FAM217A: variants seen among roughly 807,000 people sequenced by gnomAD.
The protein encoded by FAM217A is family with sequence similarity 217 member A, also known as protein FAM217A.
FAM217A carries 13 observed loss-of-function variants against 18.5 expected under a neutral mutation model. The observed-to-expected ratio is 0.70, with a 90% CI of 0.46 to 1.12. The LOEUF is 1.12. Ranked by LOEUF, FAM217A falls within the 50% of genes most tolerant of loss-of-function variation. The pLI, the probability that FAM217A is intolerant of heterozygous loss-of-function variation, is 0.00. For synonymous variants in FAM217A, 161 were observed against 202.8 expected, an observed-to-expected ratio of 0.79 and a Z score of 1.75; for missense variants, 560 against 575.4, an observed-to-expected ratio of 0.97 and a Z score of 0.27.
chr6:4,087,096 C>G, upstream of FAM217A: 1 of 401,022 alleles, frequency 2.5e-6, no homozygotes, highest in Non-Finnish European at 4.4e-6. Context: ...TAACCACTCT[C>G]TCTTGGGGCC....
chr6:4,074,293 C>T, intron 4 of FAM217A, 150 bp downstream of exon 4: 1 of 565,538 alleles, frequency 1.8e-6, no homozygotes, highest in Non-Finnish European at 3.0e-6. Flanking sequence ...CAACTTGAAA[C>T]TCTAAAATAT....
exon 2 of FAM217A, chr6:4,084,786 G>A: frequency 1.4e-6 from 1 of 702,954 alleles, no homozygotes; most frequent in Non-Finnish European, 2.6e-6. Context: ...GGAAGAAGAA[G>A]GTATTCAGGA....
Position 4,069,569 on chromosome 6 carries a change from A to G in FAM217A, c.654T>C (p.Tyr218=). Residue 218 remains tyrosine (Y), a synonymous_variant, in exon 7 of 7, where the codon TAT becomes TAC. Transcript: ENST00000274673. ...NEKTNDTLLS[Y]FKKVDLNLKP... is the part of the protein sequence containing the mutation. Reference sequence around the variant, plus strand: ...TCAAGTTCAGGTCCACCTTTTTAAAATAGCTGAGTAAAGTATCATTTGTCT... The same window carrying G: ...TCAAGTTCAGGTCCACCTTTTTAAAGTAGCTGAGTAAAGTATCATTTGTCT... 4 of 1,614,044 alleles carry G rather than the reference A, an allele frequency of 2.5e-6. No homozygotes were observed. The highest frequency in any genetic ancestry group is 2.2e-5 in the East Asian group (1 of 44,880).
upstream of FAM217A, among the ~76,000 whole-genome samples, chr6:4,083,270 C>T (rs1011650249): frequency 2.6e-5 from 4 of 152,314 alleles, no homozygotes; most frequent in African/African-American, 9.6e-5. Flanking sequence ...ATAACAAAGG[C>T]GATGACACTG....
In FAM217A at chr6:4,073,423, A is replaced by ATTT. The variant is rs750871956; in HGVS notation, c.234+9_234+10insAAA. The ATTT allele has an allele frequency of 3.7e-6, 6 of 1,609,946 alleles. No homozygotes were observed. Among genetic ancestry groups the ATTT allele is most frequent in the Non-Finnish European group, 2.5e-6 (3 of 1,177,996 alleles). On this transcript the variant is annotated intron_variant, in intron 5 of 6. Coordinates refer to ENST00000274673, the MANE Select transcript of FAM217A (RefSeq NM_173563.3). ...ATAATATTTTAAGGGTATGAAGAAT[A>ATTT]AAATCCCACCTGTGTACTTTTTTGA...
At chr6:4,081,816 G>A (rs971605530), upstream of FAM217A, among the ~76,000 whole-genome samples, 3 of 152,194 alleles carry the variant, frequency 2.0e-5, no homozygotes, top group African/African-American at 7.2e-5. Context: ...GTGTGCACAT[G>A]CACACGTGTG....
chr6:4,085,272 T>C (rs1342801975), intron 1 of FAM217A, among the ~76,000 whole-genome samples: 1 of 149,976 alleles, frequency 6.7e-6, no homozygotes, highest in Non-Finnish European at 1.5e-5. Context: ...AGAAAATGAA[T>C]GAGATTGATT....
chr6:4,083,137 G>T (rs1311131232), upstream of FAM217A, among the ~76,000 whole-genome samples: 1 of 152,168 alleles, frequency 6.6e-6, no homozygotes, highest in African/African-American at 2.4e-5. Flanking sequence ...TCTATTTCAG[G>T]CATTTAGCAA....
chr6:4,079,254 C>A (rs1358851163), upstream of FAM217A: 2 of 179,652 alleles, frequency 1.1e-5, no homozygotes, highest in African/African-American at 4.8e-5. Context: ...AGGCGCGGAG[C>A]CTCTCGGGGG....
At chr6:4,073,381 G>C (rs1355106249) in intron 5 of FAM217A, 39 bp from the exon 6 acceptor site, 1 of 1,585,110 alleles carries the variant, frequency 6.3e-7, no homozygotes, top group South Asian at 1.1e-5. Flanking sequence ...TTTAGTAGCT[G>C]CATATATTTT....
At chr6:4,079,253 G>A (rs1581895539), upstream of FAM217A, 2 of 179,920 alleles carry the variant, frequency 1.1e-5, no homozygotes, top group East Asian at 2.8e-4. Flanking sequence ...CAGGCGCGGA[G>A]CCTCTCGGGG....
At chr6:4,071,499 G>A (rs1769410416) in intron 6 of FAM217A, among the ~76,000 whole-genome samples, 1 of 152,028 alleles carries the variant, frequency 6.6e-6, no homozygotes, top group South Asian at 2.1e-4. Flanking sequence ...GGTGTAGAGT[G>A]GCTGAGGGCA....
rs754162484 is a variant in FAM217A, at chr6:4,069,916, A to T, written c.307T>A (p.Phe103Ile). The T allele has an allele frequency of 5.1e-6, 8 of 1,553,556 alleles. No individual in the cohort carries two copies. In the African/African-American group the frequency reaches 1.1e-4, roughly 22 times the overall value. ...NEGSTIEKREFKKSSVETGFN... is the reference protein window; with the variant it reads ...NEGSTIEKREIKKSSVETGFN... ...CCAGTTTCCACTGAAGATTTTTTGAATTCCCTTTAAAAAATAATTTAATTA... is the reference window on the plus strand; with the variant it reads ...CCAGTTTCCACTGAAGATTTTTTGATTTCCCTTTAAAAAATAATTTAATTA... Residue 103 changes from phenylalanine to isoleucine, a missense_variant, in exon 7 of 7, where the codon TTC becomes ATC. By Grantham distance (21) the Phe-to-Ile change is conservative (BLOSUM62 0). Transcript: ENST00000274673.
upstream of FAM217A, among the ~76,000 whole-genome samples, chr6:4,083,435 C>T (rs932211446): frequency 3.3e-5 from 5 of 152,202 alleles, no homozygotes; most frequent in Admixed American, 2.0e-4. Context: ...CAGTATCTTT[C>T]ACCTTTTGAT....
intron 2 of FAM217A, among the ~76,000 whole-genome samples, chr6:4,076,732 G>A (rs1045473034): frequency 1.8e-4 from 28 of 152,176 alleles, no homozygotes; most frequent in African/African-American, 6.5e-4. Context: ...GCCGGGCGTG[G>A]TGGCACATGC....
At position 4,073,398 on chromosome 6, in the gene FAM217A, A is replaced by G. The variant is rs755117401; in HGVS notation, c.234+35T>C. 3.5e-5 allele frequency: 55 copies of G among 1,591,752 alleles called. 1 individual carries two copies. The East Asian group carries it at 3.6e-4, about 10-fold the overall frequency. On this transcript the variant is annotated intron_variant, in intron 5 of 6. Coordinates refer to ENST00000274673, the MANE Select transcript of FAM217A (RefSeq NM_173563.3). The stretch of plus-strand genomic sequence containing the variant: ...TAGTAGCTGCATATATTTTTAAAAT[A>G]TAATATTTTAAGGGTATGAAGAATA...
intron 1 of FAM217A, among the ~76,000 whole-genome samples, chr6:4,086,341 G>A (rs577215162): frequency 2.7e-5 from 4 of 150,862 alleles, no homozygotes; most frequent in African/African-American, 9.8e-5. Flanking sequence ...AGCTACTCAG[G>A]AGGCCAAGGC....
At chr6:4,086,446 C>CAAAA (rs60309347) in intron 1 of FAM217A, among the ~76,000 whole-genome samples, 17 of 76,864 alleles carry the variant, frequency 2.2e-4, no homozygotes, top group African/African-American at 5.4e-4. Context: ...AACTCTGTCT[C>CAAAA]AAAAAAAAAA....
upstream of FAM217A, chr6:4,079,641 T>A: frequency 2.6e-6 from 3 of 1,169,536 alleles, no homozygotes; most frequent in Non-Finnish European, 3.4e-6. Flanking sequence ...CCACCCTCCA[T>A]TCCCACCGCC....
Sources: gnomAD v4.1 joint callset for allele counts (sites outside exome capture counted in the v4.1 genomes callset) on GRCh38, gnomAD v4.1.1 for gene constraint, MANE v1.5 for transcripts, NCBI Gene and HGNC (gene_info 2026-07-23, HGNC 2026-07-21) for gene names.